The following AHCY variants were observed in gnomAD, a reference collection of about 807,000 sequenced individuals.
AHCY encodes the protein S-adenosyl-L-homocysteine hydrolase.
A neutral mutation model predicts 45.4 loss-of-function variants in AHCY; 24 were observed. That is an observed-to-expected ratio of 0.53 (90% confidence interval 0.38 to 0.74). AHCY has a LOEUF of 0.74. Ranked by LOEUF, AHCY falls within the 30% of genes least tolerant of loss-of-function variation. AHCY has a pLI of 0.00. For synonymous variants in AHCY, 245 were observed against 235.1 expected (o/e 1.04, Z -0.39); for missense variants, 449 against 594.1 (o/e 0.76, Z 2.54).
intron 1 of AHCY, chr20:34,302,817 G>C: frequency 9.7e-7 from 1 of 1,026,262 alleles, no homozygotes; most frequent in Non-Finnish European, 1.2e-6. Context: ...TGCCCTCGCC[G>C]TCCCTGTAGG....
chr20:34,291,747 C>G (rs1187297462), intron 4 of AHCY, among the ~76,000 whole-genome samples: 1 of 152,198 alleles, frequency 6.6e-6, no homozygotes. Context: ...TGCCTCCGAA[C>G]AACTCCCAGC....
intron 8 of AHCY, among the ~76,000 whole-genome samples, chr20:34,286,791 G>A (rs1253623907): frequency 2.2e-5 from 3 of 135,356 alleles, no homozygotes; most frequent in Non-Finnish European, 4.5e-5. Context: ...CCAAGATCGC[G>A]CCATTGCACT....
intron 1 of AHCY, among the ~76,000 whole-genome samples, chr20:34,297,945 C>T (rs1202302549): frequency 1.3e-5 from 2 of 152,116 alleles, no homozygotes; most frequent in African/African-American, 4.8e-5. Flanking sequence ...TCAAGACCAG[C>T]CTGACCAACA....
At chr20:34,255,806 G>T in the AHCY span, among the ~76,000 whole-genome samples, 1 of 152,204 alleles carries the variant, frequency 6.6e-6, no homozygotes, top group Non-Finnish European at 1.5e-5. Flanking sequence ...ACCTGGGAAG[G>T]CACCCATTAC....
chr20:34,310,712 G>C (rs918396137), intron 1 of AHCY, among the ~76,000 whole-genome samples: 5 of 152,196 alleles, frequency 3.3e-5, no homozygotes, highest in African/African-American at 7.2e-5. Context: ...TAAATGAGCT[G>C]TTTATCTAAC....
rs1355916357 is a variant in AHCY, at chr20:34,303,286, G to C, written c.-16C>G. The C allele has an allele frequency of 6.4e-7, 1 of 1,551,770 alleles. No homozygotes were observed. Among genetic ancestry groups the C allele is most frequent in the East Asian group, 2.4e-5 (1 of 40,924 alleles). ...TGTCAGACATGCTGGCGGCACTCGT[G>C]ATGGAAACGGGCGAAGGGGGCTGGG... On this transcript the variant is annotated 5_prime_UTR_variant, in exon 1 of 10. The change creates a new upstream start codon in the 5' untranslated region. Coordinates refer to ENST00000217426, the MANE Select transcript of AHCY (RefSeq NM_000687.4).
chr20:34,292,467 C>T lies in AHCY; in HGVS notation c.336G>A (p.Trp112Ter), dbSNP rs121918607. Residue 112 changes from tryptophan (W) to a stop codon, truncating the protein, a stop_gained, in exon 4 of 10, where the codon TGG becomes TGA. Coordinates refer to ENST00000217426, the MANE Select transcript of AHCY (RefSeq NM_000687.4). LOFTEE classifies it high-confidence loss of function. ...TGAAGTACAGGGTCTGCTCAATGCA[C>T]CACAGGTACTCCTCGTCCGTTTCGC... Reference protein sequence around the residue: ...WKGETDEEYLWCIEQTLYFKD... With the variant: ...WKGETDEEYL 1 of 1,614,136 alleles carries T rather than the reference C, an allele frequency of 6.2e-7. No homozygotes were observed. Among genetic ancestry groups the T allele is most frequent in the South Asian group, 1.1e-5 (1 of 91,084 alleles).
At chr20:34,303,782 C>A (rs887021773), upstream of AHCY, among the ~76,000 whole-genome samples, 3 of 152,120 alleles carry the variant, frequency 2.0e-5, no homozygotes, top group South Asian at 6.2e-4. Flanking sequence ...TCGCTTGAGC[C>A]CAGGAGTTCA....
downstream of AHCY, among the ~76,000 whole-genome samples, chr20:34,276,485 G>C (rs905769947): frequency 6.6e-6 from 1 of 152,118 alleles, no homozygotes; most frequent in Non-Finnish European, 1.5e-5. Flanking sequence ...CCTGGTAATA[G>C]GGCAAGTATG....
chr20:34,272,876 A>C, the AHCY span, among the ~76,000 whole-genome samples: 1 of 152,162 alleles, frequency 6.6e-6, no homozygotes, highest in African/African-American at 2.4e-5. Flanking sequence ...AAAAATTAAA[A>C]AACCAAAAAG....
the AHCY span, among the ~76,000 whole-genome samples, chr20:34,251,457 A>G: frequency 4.0e-5 from 6 of 151,686 alleles, no homozygotes; most frequent in Non-Finnish European, 8.8e-5. Context: ...GTATTTTTTA[A>G]TAGAGACGGG....
At chr20:34,269,166 G>A in the AHCY span, 4 of 1,523,994 alleles carry the variant, frequency 2.6e-6, no homozygotes, top group Admixed American at 4.1e-5. Flanking sequence ...CTCAACTGCT[G>A]AGCGCCCCCA....
the AHCY span, among the ~76,000 whole-genome samples, chr20:34,270,250 TAA>T: frequency 1.7e-4 from 24 of 140,108 alleles, no homozygotes; most frequent in Non-Finnish European, 1.3e-4. Flanking sequence ...AAACTCTGGT[TAA>T]AAAAAAAAAA....
the AHCY span, chr20:34,260,600 A>T: frequency 6.7e-7 from 1 of 1,498,542 alleles, no homozygotes; most frequent in African/African-American, 1.4e-5. Flanking sequence ...CATGCTTCCC[A>T]GGGTGCTACC....
Position 34,299,724 on chromosome 20 carries a change from C to T in AHCY, c.28+3519G>A, listed in dbSNP as rs911820439. Among the ~76,000 whole-genome samples the T allele has an allele frequency of 9.2e-5, 14 of 152,210 alleles. No individual in the cohort carries two copies. In the East Asian group the frequency reaches 2.7e-3, roughly 29 times the overall value. On this transcript the variant is annotated intron_variant, in intron 1 of 9. Transcript: ENST00000217426. Reference sequence around the variant, plus strand: ...TTTGCCCCCACTACCGGTTACTCTCCCAATCTTCCCATTTTAGGAAATGAA... The same window carrying T: ...TTTGCCCCCACTACCGGTTACTCTCTCAATCTTCCCATTTTAGGAAATGAA...
intron 1 of AHCY, among the ~76,000 whole-genome samples, chr20:34,299,519 G>A (rs2036698535): frequency 2.6e-5 from 4 of 152,112 alleles, no homozygotes; most frequent in Admixed American, 2.0e-4. Context: ...TACCAATTAA[G>A]CTCATCCAGT....
the AHCY span, among the ~76,000 whole-genome samples, chr20:34,258,547 T>A: frequency 6.8e-6 from 1 of 147,282 alleles, no homozygotes; most frequent in Non-Finnish European, 1.5e-5. Context: ...AGGACAAGCA[T>A]CATATGGGGA....
At chr20:34,238,496 T>C in the AHCY span, among the ~76,000 whole-genome samples, 3 of 152,210 alleles carry the variant, frequency 2.0e-5, no homozygotes, top group African/African-American at 7.2e-5. Context: ...CAAAAAGTTC[T>C]TGTACTTTCT....
the AHCY span, chr20:34,268,867 G>C: frequency 1.6e-6 from 2 of 1,254,352 alleles, no homozygotes; most frequent in South Asian, 1.4e-5. Context: ...GCGGTGGGCG[G>C]TGGGCAAGCC....
Sources: gnomAD v4.1 joint callset for allele counts (sites outside exome capture counted in the v4.1 genomes callset) on GRCh38, gnomAD v4.1.1 for gene constraint, MANE v1.5 for transcripts, NCBI Gene and HGNC (gene_info 2026-07-23, HGNC 2026-07-21) for gene names.